The following CNBD2 variants were observed in gnomAD, a reference collection of about 807,000 sequenced individuals.
CNBD2 encodes the protein cyclic nucleotide binding domain containing 2, also known as cyclic nucleotide-binding domain-containing protein 2.
A neutral mutation model predicts 63.7 loss-of-function variants in CNBD2; 64 were observed. That is an observed-to-expected ratio of 1.00 (90% confidence interval 0.82 to 1.24). CNBD2 has a LOEUF of 1.24. Among genes scored for constraint, CNBD2 ranks in the 50% most tolerant of loss-of-function variants. CNBD2 has a pLI of 0.00. For missense variants in CNBD2, 691 were observed against 713.5 expected (o/e 0.97, Z 0.36); for synonymous variants, 229 against 255.4 (o/e 0.90, Z 0.99).
At chr20:35,982,417 C>A (rs535227411) in intron 4 of CNBD2, among the ~76,000 whole-genome samples, 2 of 152,280 alleles carry the variant, frequency 1.3e-5, no homozygotes, top group African/African-American at 4.8e-5. Flanking sequence ...TTTCCTTTCC[C>A]GTGAAGTGCA....
intron 4 of CNBD2, among the ~76,000 whole-genome samples, chr20:35,982,090 G>A (rs2056605584): frequency 6.6e-6 from 1 of 152,174 alleles, no homozygotes; most frequent in South Asian, 2.1e-4. Flanking sequence ...CATCTGCCCT[G>A]AGCAGGGTGT....
chr20:35,994,051 G>GTT (rs111682277), intron 7 of CNBD2, among the ~76,000 whole-genome samples: 44 of 147,680 alleles, frequency 3.0e-4, no homozygotes, highest in African/African-American at 9.5e-4. Context: ...GGCTAATTTT[G>GTT]TTTTTTTTTG....
chr20:35,967,445 T>C (rs1462786657), upstream of CNBD2, among the ~76,000 whole-genome samples: 46 of 149,164 alleles, frequency 3.1e-4, no homozygotes, highest in Non-Finnish European at 4.4e-5. Context: ...AGGGATGGGG[T>C]TTCACCACAT....
intron 8 of CNBD2, among the ~76,000 whole-genome samples, chr20:36,005,890 G>T (rs971264115): frequency 3.3e-5 from 5 of 151,866 alleles, no homozygotes; most frequent in Non-Finnish European, 7.4e-5. Context: ...GGTGGAGCTT[G>T]CAGTGAGCCG....
chr20:36,026,884 C>T (rs1209406279), intron 11 of CNBD2, among the ~76,000 whole-genome samples: 1 of 152,232 alleles, frequency 6.6e-6, no homozygotes, highest in African/African-American at 2.4e-5. Flanking sequence ...CTTTCCCTTC[C>T]ACCTGATTAA....
chr20:36,020,020 C>T (rs1431440944), intron 10 of CNBD2, among the ~76,000 whole-genome samples: 1 of 152,158 alleles, frequency 6.6e-6, no homozygotes, highest in African/African-American at 2.4e-5. Flanking sequence ...AGACAGACCA[C>T]CTGATTCAAA....
At chr20:35,994,388 C>G (rs980377035) in intron 7 of CNBD2, among the ~76,000 whole-genome samples, 1 of 37,380 alleles carries the variant, frequency 2.7e-5, no homozygotes, top group Non-Finnish European at 4.5e-5. Flanking sequence ...TTAGTAGAGA[C>G]AAAATAATTT....
At chr20:35,967,532 A>G (rs1439577499), upstream of CNBD2, among the ~76,000 whole-genome samples, 1 of 144,288 alleles carries the variant, frequency 6.9e-6, no homozygotes, top group Non-Finnish European at 1.5e-5. Flanking sequence ...ACATTTAGCT[A>G]CACTGCTTTC....
chr20:36,004,541 G>A lies in CNBD2; in HGVS notation c.971-3756G>A, dbSNP rs973442298. Reference sequence around the variant, plus strand: ...TTGTTTTCTGTCTTGCATCATGGATGATTGTCCTTTATTGCCTGATATTCA... The same window carrying A: ...TTGTTTTCTGTCTTGCATCATGGATAATTGTCCTTTATTGCCTGATATTCA... On this transcript the variant is annotated intron_variant, in intron 8 of 11. Coordinates refer to ENST00000373973, the MANE Select transcript of CNBD2 (RefSeq NM_001365709.1). Among the ~76,000 whole-genome samples, 8 of 152,054 alleles carry A rather than the reference G, an allele frequency of 5.3e-5. 1 individual carries two copies. Among genetic ancestry groups the A allele is most frequent in the African/African-American group, 1.9e-4 (8 of 41,492 alleles).
intron 10 of CNBD2, among the ~76,000 whole-genome samples, 195 bp downstream of exon 10, chr20:36,011,452 C>T (rs1416854214): frequency 1.3e-5 from 2 of 151,912 alleles, no homozygotes; most frequent in Admixed American, 6.6e-5. Context: ...TATGAGAGGC[C>T]GAGGTGGGCA....
chr20:35,977,457 C>G (rs2147222783), intron 3 of CNBD2, among the ~76,000 whole-genome samples: 1 of 152,272 alleles, frequency 6.6e-6, no homozygotes. Flanking sequence ...ATTACCTGAG[C>G]TCAGGAGTTT....
At chr20:36,005,484 A>G (rs2056971771) in intron 8 of CNBD2, among the ~76,000 whole-genome samples, 1 of 152,208 alleles carries the variant, frequency 6.6e-6, no homozygotes, top group Non-Finnish European at 1.5e-5. Flanking sequence ...GTCCATGGCC[A>G]GGGGATTGGG....
chr20:35,962,399 C>T lies in CNBD2; in HGVS notation c.228+4625C>T, dbSNP rs140770153. Among the ~76,000 whole-genome samples the T allele has an allele frequency of 5.2e-3, 798 of 152,086 alleles. 6 individuals carry two copies. The highest frequency in any genetic ancestry group is 0.027 in the Middle Eastern group (8 of 294). ...TCAGCCTCCCGAGTAGCTGGGACTA[C>T]AGGCGCCCACCACCACGCCCAGCTA... On this transcript the variant is annotated intron_variant, in intron 2 of 4. Transcript: ENST00000622112.
At chr20:35,962,107 C>A (rs1359194005) in intron 2 of CNBD2, among the ~76,000 whole-genome samples, 1 of 152,160 alleles carries the variant, frequency 6.6e-6, no homozygotes, top group African/African-American at 2.4e-5. Context: ...TCTCAGCACC[C>A]CTCATTGCCG....
downstream of CNBD2, chr20:35,959,590 C>G (rs2056290328): frequency 6.6e-6 from 1 of 152,140 alleles, no homozygotes; most frequent in Non-Finnish European, 1.5e-5. Context: ...GGGGGAACTA[C>G]CCCCATGATT....
Position 36,008,366 on chromosome 20 carries a change from T to G in CNBD2, c.1040T>G (p.Leu347Trp). 1.2e-6 allele frequency: 2 copies of G among 1,614,048 alleles called. No individual in the cohort carries two copies. The highest frequency in any genetic ancestry group is 1.7e-6 in the Non-Finnish European group (2 of 1,179,984). Residue 347 changes from leucine to tryptophan, a missense_variant, in exon 9 of 12, where the codon TTG becomes TGG. Coordinates refer to ENST00000373973, the MANE Select transcript of CNBD2 (RefSeq NM_001365709.1). ...TATCCTCTGCAAGACTTTAGCTCCT[T>G]GAAACTTCCACATCTCAAAAAAGCC... Reference protein sequence around the residue: ...KSYPLQDFSSLKLPHLKKAWG... With the variant: ...KSYPLQDFSSWKLPHLKKAWG...
intron 11 of CNBD2, among the ~76,000 whole-genome samples, chr20:36,028,424 G>A (rs1412355139): frequency 6.6e-6 from 1 of 152,048 alleles, no homozygotes; most frequent in African/African-American, 2.4e-5. Context: ...AATCCCTCAC[G>A]TTTTAACCGA....
intron 10 of CNBD2, among the ~76,000 whole-genome samples, chr20:36,022,434 G>C (rs2057227887): frequency 1.3e-5 from 2 of 151,224 alleles, no homozygotes; most frequent in Non-Finnish European, 2.9e-5. Context: ...TCCTGATCTC[G>C]TGATCCACCC....
chr20:35,971,691 C>T (rs553594918), intron 1 of CNBD2, among the ~76,000 whole-genome samples: 1 of 152,350 alleles, frequency 6.6e-6, no homozygotes, highest in Non-Finnish European at 1.5e-5. Flanking sequence ...GCTGGGATTA[C>T]AGGCGTGAGC....
Sources: allele counts gnomAD v4.1 joint callset (sites outside exome capture counted in the v4.1 genomes callset), GRCh38; gene constraint gnomAD v4.1.1; transcripts MANE v1.5; gene names NCBI Gene and HGNC (gene_info 2026-07-23, HGNC 2026-07-21).